WWOX: variants seen among roughly 807,000 people sequenced by gnomAD.
WWOX encodes WW domain-containing oxidoreductase.
A neutral mutation model predicts 46.2 loss-of-function variants in WWOX; 69 were observed. That is an observed-to-expected ratio of 1.49 (90% CI 1.23 to 1.82). The LOEUF is 1.82. Ranked by LOEUF, WWOX falls within the 40% of genes most tolerant of loss-of-function variation. The pLI is 0.00. For missense variants in WWOX, 919 were observed against 542.6 expected (o/e 1.69, Z -6.89); for synonymous variants, 359 against 202.6 (o/e 1.77, Z -6.56).
At chr16:78,505,662 G>A (rs1170871986) in intron 8 of WWOX, among the ~76,000 whole-genome samples, 1 of 152,114 alleles carries the variant, frequency 6.6e-6, no homozygotes, top group Non-Finnish European at 1.5e-5. Context: ...GGGAAGTCTG[G>A]CTAGCAACAC....
Position 78,109,783 on chromosome 16 carries a change from C to G in WWOX, c.178C>G (p.Pro60Ala). The change falls in exon 3 of 9, where the codon CCA (proline) becomes GCA (alanine). Residue 60 changes from proline to alanine, a missense_variant. Pro to Ala is a conservative substitution (Grantham distance 27). Coordinates refer to ENST00000566780, the MANE Select transcript of WWOX (RefSeq NM_016373.4). Reference sequence around the variant, plus strand: ...CTGTCTTTCTTGTGTTTCAGATTTGCCATACGGATGGGAACAAGAAACTGA... The same window carrying G: ...CTGTCTTTCTTGTGTTTCAGATTTGGCATACGGATGGGAACAAGAAACTGA... ...GKRKRVAGDL[P>A]YGWEQETDEN... is the part of the protein sequence containing the mutation. 1 of 1,614,046 alleles carries G rather than the reference C, an allele frequency of 6.2e-7. No homozygotes were observed. The highest frequency in any genetic ancestry group is 1.1e-5 in the South Asian group (1 of 91,068).
At chr16:78,786,268 GACACC>G (rs1270078693) in intron 8 of WWOX, among the ~76,000 whole-genome samples, 2 of 152,180 alleles carry the variant, frequency 1.3e-5, no homozygotes, top group Non-Finnish European at 2.9e-5. Context: ...AGCAATAAAT[GACACC>G]TGGATTTGTA....
chr16:79,192,509 A>G (rs1414524142), intron 8 of WWOX, among the ~76,000 whole-genome samples: 1 of 152,156 alleles, frequency 6.6e-6, no homozygotes, highest in African/African-American at 2.4e-5. Context: ...ATAATTTAAC[A>G]ACTGAAAAAG....
intron 8 of WWOX, among the ~76,000 whole-genome samples, chr16:78,943,032 T>C (rs563389495): frequency 4.6e-5 from 7 of 152,324 alleles, no homozygotes; most frequent in African/African-American, 1.4e-4. Flanking sequence ...TTTTTGCTTA[T>C]CTCTCCTGCT....
chr16:79,015,900 G>T (rs576598240), intron 8 of WWOX, among the ~76,000 whole-genome samples: 1 of 152,104 alleles, frequency 6.6e-6, no homozygotes, highest in African/African-American at 2.4e-5. Flanking sequence ...TAAGGCATGT[G>T]CCACCACTCA....
intron 8 of WWOX, among the ~76,000 whole-genome samples, chr16:78,675,088 G>C (rs1394831787): frequency 6.6e-6 from 1 of 152,190 alleles, no homozygotes; most frequent in Admixed American, 6.5e-5. Flanking sequence ...CTCTAGGCAA[G>C]GCGCTGTGCT....
At chr16:78,778,283 G>T (rs2050241514) in intron 8 of WWOX, among the ~76,000 whole-genome samples, 1 of 152,122 alleles carries the variant, frequency 6.6e-6, no homozygotes, top group African/African-American at 2.4e-5. Flanking sequence ...ATACTCTGGT[G>T]ATTGGTAACC....
At chr16:78,505,526 G>C (rs369194729) in intron 8 of WWOX, among the ~76,000 whole-genome samples, 3 of 152,122 alleles carry the variant, frequency 2.0e-5, no homozygotes, top group Admixed American at 2.0e-4. Context: ...TCAAGCACTG[G>C]ATACCTAGAC....
chr16:79,175,035 C>G (rs1376689693), intron 8 of WWOX, among the ~76,000 whole-genome samples: 3 of 152,192 alleles, frequency 2.0e-5, no homozygotes, highest in South Asian at 2.1e-4. Flanking sequence ...TCTAACCTCC[C>G]TCTCATTATC....
At chr16:78,181,756 G>A (rs1015348956) in intron 5 of WWOX, among the ~76,000 whole-genome samples, 3 of 152,078 alleles carry the variant, frequency 2.0e-5, no homozygotes, top group Admixed American at 1.3e-4. Context: ...TCTATTGGAA[G>A]CATTCATTTA....
chr16:78,739,343 G>T (rs553682141), intron 8 of WWOX, among the ~76,000 whole-genome samples: 1 of 152,174 alleles, frequency 6.6e-6, no homozygotes, highest in South Asian at 2.1e-4. Context: ...ACTCGCAGCA[G>T]AGGGCATTAG....
chr16:78,690,906 C>A (rs1015664866), intron 8 of WWOX, among the ~76,000 whole-genome samples: 4 of 152,116 alleles, frequency 2.6e-5, no homozygotes, highest in Admixed American at 1.3e-4. Flanking sequence ...TCAAATATTG[C>A]AGGTGGCCGA....
At chr16:79,176,946 G>A (rs1014786450) in intron 8 of WWOX, among the ~76,000 whole-genome samples, 1 of 152,040 alleles carries the variant, frequency 6.6e-6, no homozygotes, top group Admixed American at 6.6e-5. Flanking sequence ...CCTCTCATCA[G>A]TTTCCACCCC....
intron 5 of WWOX, among the ~76,000 whole-genome samples, chr16:78,267,893 C>G (rs1387906691): frequency 6.6e-6 from 1 of 152,238 alleles, no homozygotes; most frequent in African/African-American, 2.4e-5. Context: ...TCTCAAGTCA[C>G]TGCAGCCTTG....
Position 78,937,628 on chromosome 16 carries a change from T to C in WWOX, c.1057-273980T>C, listed in dbSNP as rs1223882776. ...TTATTTATTTATTTATTTATTTATT[T>C]ATTTATTTATTTATGAGACAAGGTC... On this transcript the variant is annotated intron_variant, in intron 8 of 8. Transcript: ENST00000566780. 6.0e-5 allele frequency among the ~76,000 whole-genome samples: 9 copies of C among 150,108 alleles called. No individual in the cohort carries two copies. The East Asian group carries it at 1.8e-3, about 30-fold the overall frequency.
At chr16:78,871,243 G>C (rs2044122245) in intron 8 of WWOX, among the ~76,000 whole-genome samples, 1 of 152,052 alleles carries the variant, frequency 6.6e-6, no homozygotes, top group Non-Finnish European at 1.5e-5. Context: ...CAGAAAGAGG[G>C]GGGATTTTTC....
intron 4 of WWOX, chr16:78,130,030 C>T (rs2033526847): frequency 6.6e-6 from 1 of 152,096 alleles, no homozygotes; most frequent in South Asian, 2.1e-4. Context: ...TTATAAGGGG[C>T]TTTCTTCCCT....
intron 5 of WWOX, among the ~76,000 whole-genome samples, chr16:78,286,187 T>C (rs2079763270): frequency 6.6e-6 from 1 of 152,260 alleles, no homozygotes; most frequent in Admixed American, 6.5e-5. Context: ...AAATACTTTT[T>C]TCACAAGGCG....
At chr16:79,147,037 C>T (rs1019425313) in intron 8 of WWOX, among the ~76,000 whole-genome samples, 14 of 152,170 alleles carry the variant, frequency 9.2e-5, no homozygotes, top group Admixed American at 2.0e-4. Flanking sequence ...TGCAATATCA[C>T]AGTGTTGACA....
Sources: allele counts gnomAD v4.1 joint callset (sites outside exome capture counted in the v4.1 genomes callset), GRCh38; gene constraint gnomAD v4.1.1; transcripts MANE v1.5; gene names NCBI Gene and HGNC (gene_info 2026-07-23, HGNC 2026-07-21).